The following SRGAP1 variants were observed in gnomAD, a reference collection of about 807,000 sequenced individuals.
SRGAP1 encodes the protein SLIT-ROBO Rho GTPase activating protein 1, also known as SLIT-ROBO Rho GTPase-activating protein 1.
SRGAP1 carries 43 observed loss-of-function variants against 121.9 expected under a neutral mutation model. The observed-to-expected ratio is 0.35, with a 90% CI of 0.28 to 0.46. The LOEUF is 0.46. Among genes scored for constraint, SRGAP1 ranks in the 20% least tolerant of loss-of-function variants. The pLI, the probability that SRGAP1 is intolerant of heterozygous loss-of-function variation, is 1.00. For synonymous variants in SRGAP1, 447 were observed against 485.4 expected (o/e 0.92, Z 1.04); for missense variants, 1,102 against 1,350.9 (o/e 0.82, Z 2.89).
At chr12:64,028,153 C>T (rs1333794156) in intron 4 of SRGAP1, among the ~76,000 whole-genome samples, 2 of 152,214 alleles carry the variant, frequency 1.3e-5, no homozygotes, top group East Asian at 1.9e-4. Flanking sequence ...TTTCCTTTGC[C>T]ACCAAAGGCT....
chr12:63,919,175 CCTGGGACTGGAAG>C (rs2030929596), intron 1 of SRGAP1, among the ~76,000 whole-genome samples: 1 of 152,028 alleles, frequency 6.6e-6, no homozygotes, highest in African/African-American at 2.4e-5. Flanking sequence ...ACCTCAGTCT[CCTGGGACTGGAAG>C]CTGGGACTAC....
At chr12:64,083,135 C>T (rs1593111385) in intron 10 of SRGAP1, among the ~76,000 whole-genome samples, 1 of 152,172 alleles carries the variant, frequency 6.6e-6, no homozygotes, top group Non-Finnish European at 1.5e-5. Flanking sequence ...GAGTTAATGG[C>T]GCCCATCACA....
chr12:63,985,821 C>T (rs1294205393), intron 2 of SRGAP1, among the ~76,000 whole-genome samples: 1 of 152,156 alleles, frequency 6.6e-6, no homozygotes, highest in East Asian at 1.9e-4. Context: ...AGAAACCCCT[C>T]TACCCACCTT....
At chr12:63,908,915 G>A (rs1268115421) in intron 1 of SRGAP1, among the ~76,000 whole-genome samples, 3 of 149,310 alleles carry the variant, frequency 2.0e-5, no homozygotes, top group African/African-American at 2.5e-5. Flanking sequence ...TTTTTTAGAC[G>A]AAGTCTCACT....
chr12:64,015,365 A>G (rs2043235002), intron 3 of SRGAP1, among the ~76,000 whole-genome samples: 1 of 151,986 alleles, frequency 6.6e-6, no homozygotes, highest in Non-Finnish European at 1.5e-5. Flanking sequence ...CTTTCCTTTC[A>G]CTCTTGAGTG....
intron 17 of SRGAP1, among the ~76,000 whole-genome samples, chr12:64,113,767 AAGG>A (rs1269371341): frequency 6.6e-6 from 1 of 152,220 alleles, no homozygotes; most frequent in African/African-American, 2.4e-5. Flanking sequence ...AGGAAAGGCC[AAGG>A]AGCCTTCCAA....
At chr12:64,045,772 C>T (rs556478784) in intron 6 of SRGAP1, among the ~76,000 whole-genome samples, 3 of 152,182 alleles carry the variant, frequency 2.0e-5, no homozygotes, top group East Asian at 3.9e-4. Context: ...AAAAACTCTC[C>T]GTGTATAGAA....
intron 2 of SRGAP1, among the ~76,000 whole-genome samples, chr12:63,988,698 TAGG>T (rs2033478617): frequency 6.6e-6 from 1 of 152,240 alleles, no homozygotes; most frequent in Non-Finnish European, 1.5e-5. Flanking sequence ...TCATAAATAA[TAGG>T]AGGATAACAT....
chr12:63,893,921 C>T (rs186466902), intron 1 of SRGAP1, among the ~76,000 whole-genome samples: 2 of 152,376 alleles, frequency 1.3e-5, no homozygotes, highest in East Asian at 3.9e-4. Flanking sequence ...TCACTGCAAC[C>T]TCCGTCTCCT....
chr12:63,957,877 A>G (rs2136375315), intron 1 of SRGAP1, among the ~76,000 whole-genome samples: 1 of 152,278 alleles, frequency 6.6e-6, no homozygotes, highest in South Asian at 2.1e-4. Context: ...AAATCTCCAG[A>G]AATGGTTTTT....
At chr12:63,862,918 CT>C (rs1899503365) in intron 1 of SRGAP1, among the ~76,000 whole-genome samples, 1 of 152,164 alleles carries the variant, frequency 6.6e-6, no homozygotes, top group African/African-American at 2.4e-5. Context: ...TGCTGCAGGA[CT>C]GAGTTCTGCC....
rs1340754741 is a variant in SRGAP1 at position 64,150,282 on chromosome 12, AG to A, written c.*7612del. ...CATGATCCAGGAGATCGTCAGCTCT[AG>A]GATATTTGCGATCCAATTCTGGCGA... is the stretch of plus-strand genomic sequence containing the variant. On this transcript the variant is annotated 3_prime_UTR_variant, in exon 22 of 22. Coordinates refer to ENST00000355086, the MANE Select transcript of SRGAP1 (RefSeq NM_020762.4). The A allele has an allele frequency of 6.6e-6, 1 of 152,200 alleles. No individual in the cohort carries two copies. The highest frequency in any genetic ancestry group is 1.5e-5 in the Non-Finnish European group (1 of 68,034). The allele number at this position is 152,200 out of a possible 1,614,324, so 9.4% of individuals were successfully genotyped here.
chr12:64,049,406 A>G (rs2035194867), intron 6 of SRGAP1, among the ~76,000 whole-genome samples: 1 of 152,232 alleles, frequency 6.6e-6, no homozygotes, highest in South Asian at 2.1e-4. Flanking sequence ...TCATGGTGGA[A>G]GGGAAAGCAA....
intron 18 of SRGAP1, among the ~76,000 whole-genome samples, chr12:64,125,543 A>AT (rs1420040273): frequency 2.0e-5 from 3 of 152,092 alleles, no homozygotes; most frequent in Admixed American, 6.5e-5. Context: ...TGAGATGGTG[A>AT]TTTTTTTCCA....
intron 21 of SRGAP1, among the ~76,000 whole-genome samples, chr12:64,134,450 T>C (rs1417013047): frequency 6.6e-6 from 1 of 150,534 alleles, no homozygotes; most frequent in Non-Finnish European, 1.5e-5. Flanking sequence ...CAAGTGCTGC[T>C]CTCACAAATC....
In SRGAP1 at chr12:63,922,673, C is replaced by G. The variant is rs1305613111; in HGVS notation, c.68-61274C>G. ...AGTTGCTCATGTTAGAGCAAGTGCT[C>G]CTTGTCTGTGTTCCTGCAATACCCT... is the stretch of plus-strand genomic sequence containing the variant. On this transcript the variant is annotated intron_variant, in intron 1 of 21. Transcript: ENST00000355086. Among the ~76,000 whole-genome samples the G allele has an allele frequency of 2.0e-5, 3 of 152,222 alleles. No individual in the cohort carries two copies. The East Asian group carries it at 5.8e-4, about 29-fold the overall frequency.
chr12:64,085,247 G>A (rs1434356863), intron 10 of SRGAP1, among the ~76,000 whole-genome samples: 1 of 152,134 alleles, frequency 6.6e-6, no homozygotes, highest in Non-Finnish European at 1.5e-5. Flanking sequence ...AAGTCGTTGT[G>A]AAAATTGTGA....
At position 64,151,798 on chromosome 12, in the gene SRGAP1, G is replaced by C. The variant is rs2037122354; in HGVS notation, c.*9126G>C. On this transcript the variant is annotated 3_prime_UTR_variant, in exon 22 of 22. Transcript: ENST00000355086. ...CTTCAGATGACTCTTTATTGTTTCAGCTAAACATCAGCAAACAGAGATTTT... is the reference window on the plus strand; with the variant it reads ...CTTCAGATGACTCTTTATTGTTTCACCTAAACATCAGCAAACAGAGATTTT... 1 of 152,096 alleles carries C rather than the reference G, an allele frequency of 6.6e-6. No individual in the cohort carries two copies. Among genetic ancestry groups the C allele is most frequent in the Non-Finnish European group, 1.5e-5 (1 of 68,036 alleles). The allele number at this position is 152,096 out of a possible 1,614,324, so 9.4% of individuals were successfully genotyped here. A position where few individuals can be genotyped will look rare whatever the true frequency, so the allele number is the denominator to read the frequency against.
rs536071770 is a variant in SRGAP1, at chr12:63,876,060, G to A, written c.67+31177G>A. Among the ~76,000 whole-genome samples the A allele has an allele frequency of 1.9e-3, 296 of 152,230 alleles. 3 individuals carry two copies. The highest frequency in any genetic ancestry group is 1.9e-3 in the Non-Finnish European group (130 of 68,014). ...GTAATGCATTTTTTAAAAAAAGTGT[G>A]TTTATTTACATGAAACCAACATAAA... On this transcript the variant is annotated intron_variant, in intron 1 of 21. Coordinates refer to ENST00000355086, the MANE Select transcript of SRGAP1 (RefSeq NM_020762.4).
Sources: gnomAD v4.1 joint callset for allele counts (sites outside exome capture counted in the v4.1 genomes callset) on GRCh38, gnomAD v4.1.1 for gene constraint, MANE v1.5 for transcripts, NCBI Gene and HGNC (gene_info 2026-07-23, HGNC 2026-07-21) for gene names.